Variants in ADAMTSL1 observed in about 807,000 individuals in gnomAD.
The protein encoded by ADAMTSL1 is ADAMTS like 1.
Under a neutral mutation model 201.8 loss-of-function variants are expected in ADAMTSL1, and 126 were observed. The ratio of observed to expected loss-of-function variants is 0.62; its 90% CI spans 0.54 to 0.72. The LOEUF (loss-of-function observed/expected upper bound fraction) is 0.72. ADAMTSL1 is among the 30% of genes least tolerant of loss of function. The probability of loss-of-function intolerance (pLI) is 0.00; values close to 1 mark genes in which losing one functional copy is unlikely to be tolerated. For missense variants in ADAMTSL1, 2,679 were observed against 2,277.8 expected, an observed-to-expected ratio of 1.18 and a Z score of -3.59; for synonymous variants, 1,121 against 903.4, an observed-to-expected ratio of 1.24 and a Z score of -4.32.
At chr9:18,896,769 G>C (rs1374471026) in intron 26 of ADAMTSL1, among the ~76,000 whole-genome samples, 3 of 152,190 alleles carry the variant, frequency 2.0e-5, no homozygotes, top group Non-Finnish European at 4.4e-5. Context: ...CCAAGGCCTT[G>C]GGTTTGACAC....
At chr9:18,862,380 G>C (rs1195730595) in intron 23 of ADAMTSL1, among the ~76,000 whole-genome samples, 1 of 152,108 alleles carries the variant, frequency 6.6e-6, no homozygotes, top group South Asian at 2.1e-4. Context: ...GTATTTTCTA[G>C]CTTGCCTTTC....
rs747112161 is a variant in ADAMTSL1, at chr9:18,504,924, C to G, written c.159C>G (p.Ala53=). The stretch of plus-strand genomic sequence containing the variant: ...GCTCACGCACCTGCGGGGGTGGGGC[C>G]TCCTACTCTCTGAGGCGCTGCCTGA... ...SECSRTCGGG[A]SYSLRRCLSS... is the part of the protein sequence containing the mutation. Residue 53 remains alanine (A), a synonymous_variant, in exon 2 of 29, where the codon GCC becomes GCG. Transcript: ENST00000380548. 6.2e-7 allele frequency: 1 copy of G among 1,611,412 alleles called. No individual in the cohort carries two copies. The highest frequency in any genetic ancestry group is 8.5e-7 in the Non-Finnish European group (1 of 1,179,446).
At chr9:18,576,083 C>T (rs1421546543) in intron 4 of ADAMTSL1, among the ~76,000 whole-genome samples, 1 of 151,972 alleles carries the variant, frequency 6.6e-6, no homozygotes, top group African/African-American at 2.4e-5. Flanking sequence ...CATGCTTTAA[C>T]TTATATTCTT....
At chr9:18,806,132 A>G (rs759167428) in intron 20 of ADAMTSL1, among the ~76,000 whole-genome samples, 11 of 152,264 alleles carry the variant, frequency 7.2e-5, no homozygotes, top group Non-Finnish European at 1.3e-4. Flanking sequence ...CCATCCATTC[A>G]GGGTCAACAA....
intron 23 of ADAMTSL1, among the ~76,000 whole-genome samples, chr9:18,885,181 A>G (rs1362246489): frequency 6.6e-6 from 1 of 152,222 alleles, no homozygotes; most frequent in Admixed American, 6.5e-5. Flanking sequence ...AGTGGCTCAC[A>G]GTCCTCCTTT....
intron 4 of ADAMTSL1, among the ~76,000 whole-genome samples, chr9:18,584,474 C>T (rs1009556168): frequency 4.6e-5 from 7 of 152,124 alleles, no homozygotes; most frequent in East Asian, 1.9e-4. Flanking sequence ...ACTAATACAT[C>T]GCTGAAAGTT....
At chr9:18,185,931 TA>T (rs370600880) in intron 2 of ADAMTSL1, among the ~76,000 whole-genome samples, 17 of 152,316 alleles carry the variant, frequency 1.1e-4, no homozygotes, top group African/African-American at 4.1e-4. Flanking sequence ...TTTGAGAATT[TA>T]AAATTTACTC....
intron 2 of ADAMTSL1, among the ~76,000 whole-genome samples, chr9:18,174,566 C>G (rs988359892): frequency 1.3e-5 from 2 of 152,076 alleles, no homozygotes; most frequent in South Asian, 4.1e-4. Flanking sequence ...ATACAGCACA[C>G]CCTCTCCTAG....
At chr9:18,187,074 C>A (rs1828770234) in intron 2 of ADAMTSL1, among the ~76,000 whole-genome samples, 1 of 152,160 alleles carries the variant, frequency 6.6e-6, no homozygotes, top group African/African-American at 2.4e-5. Flanking sequence ...GGTCACCATG[C>A]TGCATTTTCA....
rs957506829 is a variant in ADAMTSL1, at chr9:18,538,132, A to G, written c.237+4840A>G. On this transcript the variant is annotated intron_variant, in intron 3 of 28. Coordinates refer to ENST00000380548, the MANE Select transcript of ADAMTSL1 (RefSeq NM_001040272.6). Reference sequence around the variant, plus strand: ...TGGAGAATGGATGCAAAGCAGGGGGAAGAAGCAGAAATTCCAGCAGGGGGA... The same window carrying G: ...TGGAGAATGGATGCAAAGCAGGGGGGAGAAGCAGAAATTCCAGCAGGGGGA... Among the ~76,000 whole-genome samples the G allele has an allele frequency of 2.0e-5, 3 of 152,180 alleles. No homozygotes were observed. The East Asian group carries it at 5.8e-4, about 30-fold the overall frequency.
chr9:18,653,178 G>A (rs899719008), intron 7 of ADAMTSL1, among the ~76,000 whole-genome samples: 2 of 152,160 alleles, frequency 1.3e-5, no homozygotes, highest in South Asian at 4.2e-4. Context: ...CAGAGACAGA[G>A]AACTGGTTCC....
At chr9:18,779,796 G>A (rs773305591) in intron 19 of ADAMTSL1, among the ~76,000 whole-genome samples, 3 of 152,090 alleles carry the variant, frequency 2.0e-5, no homozygotes, top group African/African-American at 4.8e-5. Context: ...CAGTCCTATC[G>A]GTGCACCTGC....
intron 2 of ADAMTSL1, among the ~76,000 whole-genome samples, chr9:18,213,492 C>T (rs1352598836): frequency 6.6e-6 from 1 of 152,148 alleles, no homozygotes; most frequent in African/African-American, 2.4e-5. Flanking sequence ...TGAGATGATG[C>T]TGAAAAGGTG....
At position 18,009,057 on chromosome 9, in the gene ADAMTSL1, C is replaced by T. The variant is rs535124075; in HGVS notation, c.87+102135C>T. Among the ~76,000 whole-genome samples, 8 of 152,082 alleles carry T rather than the reference C, an allele frequency of 5.3e-5. No homozygotes were observed. The South Asian group carries it at 1.7e-3, about 32-fold the overall frequency. On this transcript the variant is annotated intron_variant, in intron 1 of 29. Coordinates refer to the ADAMTSL1 transcript ENST00000680146. ...TTACTCTCCCCTGCAGATCTGCACT[C>T]TAGCTCTGCTGATATTGTCATTATT...
chr9:18,034,406 C>A (rs1385522213), intron 1 of ADAMTSL1, among the ~76,000 whole-genome samples: 2 of 152,146 alleles, frequency 1.3e-5, no homozygotes, highest in African/African-American at 4.8e-5. Flanking sequence ...TGCTTTTACT[C>A]CTGTCTCTAT....
At chr9:18,577,450 T>C (rs1822806649) in intron 4 of ADAMTSL1, among the ~76,000 whole-genome samples, 1 of 152,112 alleles carries the variant, frequency 6.6e-6, no homozygotes, top group African/African-American at 2.4e-5. Context: ...TGCACCACTG[T>C]ACTCCAGCCT....
At chr9:18,905,212 G>A (rs918941742) in intron 26 of ADAMTSL1, among the ~76,000 whole-genome samples, 1 of 152,174 alleles carries the variant, frequency 6.6e-6, no homozygotes, top group Admixed American at 6.5e-5. Context: ...ACAGGGTCAG[G>A]CTCCATGAAC....
At chr9:18,617,493 T>A (rs1825765846) in intron 4 of ADAMTSL1, among the ~76,000 whole-genome samples, 1 of 151,756 alleles carries the variant, frequency 6.6e-6, no homozygotes, top group Non-Finnish European at 1.5e-5. Context: ...TTTATTTTTT[T>A]TTTTGGCAGG....
intron 1 of ADAMTSL1, among the ~76,000 whole-genome samples, chr9:18,007,253 G>A (rs1406071059): frequency 6.6e-6 from 1 of 152,038 alleles, no homozygotes; most frequent in Non-Finnish European, 1.5e-5. Flanking sequence ...GTGGAACACA[G>A]CTTGGACAAT....
Sources: allele counts gnomAD v4.1 joint callset (sites outside exome capture counted in the v4.1 genomes callset), GRCh38; gene constraint gnomAD v4.1.1; transcripts MANE v1.5; gene names NCBI Gene and HGNC (gene_info 2026-07-23, HGNC 2026-07-21).